The following ITGB3BP variants were observed in gnomAD, a reference collection of about 807,000 sequenced individuals.
ITGB3BP encodes the protein integrin subunit beta 3 binding protein.
In ITGB3BP, 27 loss-of-function variants were observed where a neutral mutation model predicts 29.1. That is an observed-to-expected ratio of 0.93 (90% CI 0.68 to 1.28). The LOEUF (loss-of-function observed/expected upper bound fraction) is 1.28. ITGB3BP is among the 50% of genes most tolerant of loss of function. ITGB3BP has a pLI of 0.00. For synonymous variants in ITGB3BP, 61 were observed against 61.4 expected (o/e 0.99, Z 0.03); for missense variants, 192 against 200.2 (o/e 0.96, Z 0.25).
chr1:63,445,579 A>G (rs1334230465), intron 8 of ITGB3BP, among the ~76,000 whole-genome samples: 1 of 151,962 alleles, frequency 6.6e-6, no homozygotes, highest in Non-Finnish European at 1.5e-5. Flanking sequence ...GATAGCAGGC[A>G]AAACACCTGG....
At chr1:63,515,867 A>G (rs1462530752) in intron 1 of ITGB3BP, among the ~76,000 whole-genome samples, 1 of 148,582 alleles carries the variant, frequency 6.7e-6, no homozygotes, top group Non-Finnish European at 1.5e-5. Context: ...CTACCCAGCA[A>G]CCACCACACT....
intron 3 of ITGB3BP, among the ~76,000 whole-genome samples, chr1:63,484,619 G>GT (rs1374216574): frequency 1.3e-5 from 2 of 152,054 alleles, no homozygotes; most frequent in African/African-American, 4.8e-5. Flanking sequence ...CTGTATGACT[G>GT]TAATTTTTAG....
At chr1:63,487,924 C>A (rs1271128162) in intron 3 of ITGB3BP, among the ~76,000 whole-genome samples, 1 of 152,062 alleles carries the variant, frequency 6.6e-6, no homozygotes, top group Non-Finnish European at 1.5e-5. Flanking sequence ...AATTTTTCAG[C>A]TCCATTATAA....
At position 63,490,172 on chromosome 1, in the gene ITGB3BP, T is replaced by TA; in HGVS notation, c.94dup (p.Tyr32LeufsTer20). 6.3e-7 allele frequency: 1 copy of TA among 1,595,922 alleles called. No homozygotes were observed. The highest frequency in any genetic ancestry group is 2.2e-5 in the East Asian group (1 of 44,650). ...TTGACAAGTTCCAGTTGTTGGAGAA[T>TA]AAGTTATAACACTTTTCTTCCTTGT... On this transcript the variant is annotated frameshift_variant, in exon 3 of 9. Coordinates refer to ENST00000271002, the MANE Select transcript of ITGB3BP (RefSeq NM_014288.5). LOFTEE classifies it high-confidence loss of function.
intron 1 of ITGB3BP, among the ~76,000 whole-genome samples, chr1:63,517,399 TAAAAATAAATA>T (rs1310103937): frequency 2.0e-5 from 3 of 150,492 alleles, no homozygotes; most frequent in Admixed American, 6.7e-5. Context: ...TAAAAATAAA[TAAAAATAAATA>T]AAAAATAAAT....
chr1:63,462,730 G>C (rs571407779), intron 4 of ITGB3BP, among the ~76,000 whole-genome samples: 1 of 152,232 alleles, frequency 6.6e-6, no homozygotes, highest in South Asian at 2.1e-4. Flanking sequence ...CTTATCCCTA[G>C]AGACCATCAT....
Position 63,454,456 on chromosome 1 carries a change from T to C in ITGB3BP, c.351A>G (p.Arg117=). 6.3e-7 allele frequency: 1 copy of C among 1,591,734 alleles called. No individual in the cohort carries two copies. The highest frequency in any genetic ancestry group is 8.6e-7 in the Non-Finnish European group (1 of 1,163,852). The change falls in exon 6 of 9, where the codon AGA becomes AGG. Residue 117 remains arginine, a synonymous_variant. Coordinates refer to ENST00000271002, the MANE Select transcript of ITGB3BP (RefSeq NM_014288.5). This position sits in a 1 kb window ranked among gnomAD's most constrained non-coding sequence, Gnocchi z 4.1. The part of the protein sequence containing the change: ...LSSIQALEGS[R]ELENLIGISC... ...AGATTCCAATGAGATTTTCAAGCTC[T>C]CTACTGCCCTCCAAAGCCTACAAGA... is the stretch of plus-strand genomic sequence containing the variant.
At chr1:63,463,582 C>T (rs1359770784) in intron 4 of ITGB3BP, among the ~76,000 whole-genome samples, 1 of 152,148 alleles carries the variant, frequency 6.6e-6, no homozygotes, top group African/African-American at 2.4e-5. Context: ...ATAAAACTTA[C>T]AGGACAGTCA....
intron 2 of ITGB3BP, 132 bp from the exon 3 acceptor site, chr1:63,490,350 T>C (rs1363290815): frequency 1.8e-5 from 11 of 605,810 alleles, no homozygotes; most frequent in African/African-American, 3.8e-5. Context: ...ACAAATATAC[T>C]CAACTATCAC....
intron 2 of ITGB3BP, among the ~76,000 whole-genome samples, chr1:63,498,702 CAATT>C (rs1645850137): frequency 6.7e-6 from 1 of 148,908 alleles, no homozygotes; most frequent in South Asian, 2.1e-4. Flanking sequence ...AAAAAAAAGA[CAATT>C]AAAGAGAAAA....
chr1:63,482,816 G>A (rs1645463398), intron 3 of ITGB3BP, among the ~76,000 whole-genome samples: 1 of 151,914 alleles, frequency 6.6e-6, no homozygotes, highest in South Asian at 2.1e-4. Context: ...ACCACGCCTG[G>A]CTAATTTTTG....
intron 1 of ITGB3BP, among the ~76,000 whole-genome samples, chr1:63,517,710 A>G (rs557088799): frequency 5.9e-5 from 9 of 152,074 alleles, no homozygotes; most frequent in African/African-American, 2.2e-4. Context: ...CATTAATTTT[A>G]CTTTTTCCTT....
intron 7 of ITGB3BP, chr1:63,449,503 A>G (rs1390360227): frequency 6.6e-6 from 1 of 152,246 alleles, no homozygotes; most frequent in Non-Finnish European, 1.5e-5. Context: ...ATCCTAGACA[A>G]ATCTCAAGTA....
intron 1 of ITGB3BP, among the ~76,000 whole-genome samples, chr1:63,517,505 C>G (rs887098633): frequency 1.3e-5 from 2 of 151,884 alleles, no homozygotes; most frequent in Non-Finnish European, 2.9e-5. Flanking sequence ...ATGTCTTATG[C>G]TAAATTATTA....
At chr1:63,476,231 T>G (rs573440853) in intron 4 of ITGB3BP, among the ~76,000 whole-genome samples, 8 of 151,576 alleles carry the variant, frequency 5.3e-5, no homozygotes, top group Admixed American at 2.6e-4. Flanking sequence ...TGGCACGATA[T>G]CAACTCACTG....
At chr1:63,486,062 T>C (rs1304624131) in intron 3 of ITGB3BP, among the ~76,000 whole-genome samples, 6 of 152,072 alleles carry the variant, frequency 3.9e-5, no homozygotes, top group Non-Finnish European at 8.8e-5. Context: ...ATTTGGCAGA[T>C]GTTGGAGAGT....
chr1:63,523,101 C>T, intron 1 of ITGB3BP, 28 bp downstream of exon 1: 1 of 1,613,842 alleles, frequency 6.2e-7, no homozygotes, highest in Non-Finnish European at 8.5e-7. Context: ...GCCCCCAAAA[C>T]AGCAATACCT....
upstream of ITGB3BP, among the ~76,000 whole-genome samples, chr1:63,525,119 G>C (rs898362901): frequency 2.0e-5 from 3 of 152,030 alleles, no homozygotes; most frequent in African/African-American, 7.3e-5. Flanking sequence ...CACTTACTAC[G>C]TGTCAAGCAA....
intron 2 of ITGB3BP, among the ~76,000 whole-genome samples, chr1:63,507,937 A>G (rs1646117254): frequency 6.6e-6 from 1 of 152,192 alleles, no homozygotes. Context: ...AGTTGGTATG[A>G]AAAGATAATA....
Sources: gnomAD v4.1 joint callset for allele counts (sites outside exome capture counted in the v4.1 genomes callset) on GRCh38, gnomAD v4.1.1 for gene constraint, Gnocchi (gnomAD v3.1) non-coding constraint, MANE v1.5 for transcripts, NCBI Gene and HGNC (gene_info 2026-07-23, HGNC 2026-07-21) for gene names.